The following GXYLT1 variants were observed in gnomAD, a reference collection of about 807,000 sequenced individuals.
GXYLT1 encodes glucoside xylosyltransferase 1.
In GXYLT1, 29 loss-of-function variants were observed where a neutral mutation model predicts 54.0. The observed-to-expected ratio is 0.54, with a 90% CI of 0.40 to 0.73. The LOEUF (loss-of-function observed/expected upper bound fraction) is 0.73. GXYLT1 is among the 30% of genes least tolerant of loss of function. The probability of loss-of-function intolerance (pLI) is 0.00; values close to 1 mark genes in which losing one functional copy is unlikely to be tolerated. For synonymous variants in GXYLT1, 176 were observed against 204.1 expected (o/e 0.86, Z 1.17); for missense variants, 490 against 553.4 (o/e 0.89, Z 1.15).
intron 2 of GXYLT1, among the ~76,000 whole-genome samples, chr12:42,122,990 T>C (rs1180740818): frequency 1.4e-5 from 2 of 146,268 alleles, no homozygotes; most frequent in Non-Finnish European, 2.9e-5. Context: ...AATCTAATAA[T>C]AAGTAGACAG....
At chr12:42,144,275 C>G in intron 1 of GXYLT1, 151 bp downstream of exon 1, 1 of 388,744 alleles carries the variant, frequency 2.6e-6, no homozygotes, top group East Asian at 5.5e-5. Flanking sequence ...TAGCCCCGGC[C>G]GGAGGGGAAG....
intron 3 of GXYLT1, among the ~76,000 whole-genome samples, chr12:42,117,825 T>C (rs2065506303): frequency 6.6e-6 from 1 of 152,222 alleles, no homozygotes; most frequent in Non-Finnish European, 1.5e-5. Flanking sequence ...TTAAAGAGTA[T>C]ATATTCCACT....
At chr12:42,091,107 T>C (rs1433197546) in intron 7 of GXYLT1, among the ~76,000 whole-genome samples, 3 of 152,158 alleles carry the variant, frequency 2.0e-5, no homozygotes, top group Non-Finnish European at 4.4e-5. Context: ...ACAATTCTTT[T>C]AAAAATTACA....
At position 42,125,394 on chromosome 12, in the gene GXYLT1, G is replaced by C. The variant is rs147023277; in HGVS notation, c.314+4365C>G. On this transcript the variant is annotated intron_variant, in intron 2 of 7. Transcript: ENST00000398675. ...AAATACAGGTCTGGCTCTCAGAAAA[G>C]AACTCTGAATTGGAGCTATCAGTTA... 2.3e-4 allele frequency among the ~76,000 whole-genome samples: 35 copies of C among 152,268 alleles called. No individual in the cohort carries two copies. In the East Asian group the frequency reaches 5.8e-3, roughly 25 times the overall value.
In GXYLT1 at chr12:42,119,002, T is replaced by C; in HGVS notation, c.484A>G (p.Arg162Gly). The change falls in exon 3 of 8, where the codon AGA becomes GGA. Residue 162 changes from arginine (R) to glycine (G), a missense_variant and splice_region_variant. Arg to Gly is a moderately radical substitution (Grantham distance 125). Around this residue, in one of 2 missense-constraint regions of GXYLT1, gnomAD observed 342 missense variants for 342.6 expected, o/e 1.00. Transcript: ENST00000398675. ...EDQLHHSFKG[R>G]LDNWSFLQTF... ...TTGACTATGTCTCAAATACTTACTC[T>C]GCCTTTAAAGCTATGATGTAGCTGA... is the stretch of plus-strand genomic sequence containing the variant. 1 of 1,611,596 alleles carries C rather than the reference T, an allele frequency of 6.2e-7. No individual in the cohort carries two copies. Among genetic ancestry groups the C allele is most frequent in the Non-Finnish European group, 8.5e-7 (1 of 1,177,998 alleles).
chr12:42,120,518 C>T (rs758527977), intron 2 of GXYLT1, among the ~76,000 whole-genome samples: 5 of 151,982 alleles, frequency 3.3e-5, no homozygotes, highest in Non-Finnish European at 7.4e-5. Context: ...GCATTAGCTT[C>T]GGTCTTTTTA....
intron 1 of GXYLT1, among the ~76,000 whole-genome samples, chr12:42,135,544 CAAAA>C (rs1799312474): frequency 6.6e-6 from 1 of 151,720 alleles, no homozygotes; most frequent in Admixed American, 6.6e-5. Flanking sequence ...TCATAATAGC[CAAAA>C]AGTATGAAAG....
At chr12:42,133,694 TA>T (rs2065604796) in intron 1 of GXYLT1, among the ~76,000 whole-genome samples, 2 of 152,298 alleles carry the variant, frequency 1.3e-5, no homozygotes, top group African/African-American at 4.8e-5. Flanking sequence ...ATTCATTTGG[TA>T]AATCAATAAA....
chr12:42,089,244 G>A (rs1370344911), intron 7 of GXYLT1, among the ~76,000 whole-genome samples: 1 of 149,260 alleles, frequency 6.7e-6, no homozygotes, highest in African/African-American at 2.5e-5. Context: ...TCTAAGAGTT[G>A]TATATGACTG....
chr12:42,102,536 C>A (rs188186481), intron 5 of GXYLT1, among the ~76,000 whole-genome samples: 1 of 152,214 alleles, frequency 6.6e-6, no homozygotes, highest in East Asian at 1.9e-4. Flanking sequence ...GCTAAATATT[C>A]TTAATATAAA....
chr12:42,120,171 A>G (rs982659612), intron 2 of GXYLT1, among the ~76,000 whole-genome samples: 1 of 152,216 alleles, frequency 6.6e-6, no homozygotes, highest in African/African-American at 2.4e-5. Context: ...ACTTCATATG[A>G]AACCTCTCCC....
intron 4 of GXYLT1, among the ~76,000 whole-genome samples, chr12:42,107,137 A>C (rs890728172): frequency 3.3e-5 from 5 of 152,188 alleles, no homozygotes; most frequent in Non-Finnish European, 7.3e-5. Flanking sequence ...TTTATTAGTA[A>C]GATTCAATAA....
chr12:42,142,878 TCTAA>T (rs1402887862), intron 1 of GXYLT1, among the ~76,000 whole-genome samples: 2 of 152,116 alleles, frequency 1.3e-5, no homozygotes, highest in African/African-American at 2.4e-5. Flanking sequence ...CACCTATAGT[TCTAA>T]CTTAGATGTA....
intron 7 of GXYLT1, among the ~76,000 whole-genome samples, chr12:42,089,667 C>T (rs1040904058): frequency 1.4e-4 from 21 of 152,168 alleles, no homozygotes; most frequent in Admixed American, 2.6e-4. Flanking sequence ...AGTCCATGCA[C>T]TTAATTAACC....
Position 42,144,441 on chromosome 12 carries a change from G to T in GXYLT1, c.206C>A (p.Pro69His), listed in dbSNP as rs1444711592. Residue 69 changes from proline (P) to histidine (H), a missense_variant, in exon 1 of 8, where the codon CCC becomes CAC. Around this residue, in one of 2 missense-constraint regions of GXYLT1, gnomAD observed 148 missense variants for 210.7 expected, o/e 0.70. Transcript: ENST00000398675. ...CTGCCCGTACCTGTCCGACACGCCG[G>T]GATGCGCTGCGGGGCCCGCGACGCC... ...GAGVAGPAAH[P>H]GVSDRCKDFS... The T allele has an allele frequency of 7.5e-7, 1 of 1,324,960 alleles. No individual in the cohort carries two copies. The highest frequency in any genetic ancestry group is 9.6e-7 in the Non-Finnish European group (1 of 1,044,110). 82.1% of individuals were successfully genotyped at this position (1,324,960 alleles called of 1,614,324 possible). A position where few individuals can be genotyped will look rare whatever the true frequency, so the allele number is the denominator to read the frequency against.
At chr12:42,108,713 T>C (rs141274318) in intron 4 of GXYLT1, among the ~76,000 whole-genome samples, 1 of 152,306 alleles carries the variant, frequency 6.6e-6, no homozygotes, top group East Asian at 1.9e-4. Flanking sequence ...CTTACAGATA[T>C]CCTGGATTCA....
At chr12:42,140,452 T>C (rs1014084082) in intron 1 of GXYLT1, among the ~76,000 whole-genome samples, 1 of 152,078 alleles carries the variant, frequency 6.6e-6, no homozygotes, top group African/African-American at 2.4e-5. Context: ...AGCTAAAATG[T>C]TGTTGTGTCA....
chr12:42,088,082 T>TTA, intron 7 of GXYLT1, 135 bp from the exon 8 acceptor site: 1 of 462,666 alleles, frequency 2.2e-6, no homozygotes, highest in South Asian at 4.0e-5. Context: ...AATTAGATGT[T>TTA]TAACAAATAT....
chr12:42,128,349 G>C (rs914633692), intron 2 of GXYLT1, among the ~76,000 whole-genome samples: 2 of 151,964 alleles, frequency 1.3e-5, no homozygotes, highest in Non-Finnish European at 2.9e-5. Flanking sequence ...CCAAAACATC[G>C]CTTTATGCCC....
Sources: allele counts gnomAD v4.1 joint callset (sites outside exome capture counted in the v4.1 genomes callset), GRCh38; gene constraint gnomAD v4.1.1; regional missense constraint gnomAD v4.1.1; transcripts MANE v1.5; gene names NCBI Gene and HGNC (gene_info 2026-07-23, HGNC 2026-07-21).